FGF12: variants seen among roughly 807,000 people sequenced by gnomAD.
FGF12 encodes fibroblast growth factor 12B.
FGF12 carries 14 observed loss-of-function variants against 23.6 expected under a neutral mutation model. The ratio of observed to expected loss-of-function variants is 0.59; its 90% CI spans 0.39 to 0.93. The LOEUF (loss-of-function observed/expected upper bound fraction) is 0.93. Among genes scored for constraint, FGF12 ranks in the 40% least tolerant of loss-of-function variants. The pLI is 0.00. For missense variants in FGF12, 175 were observed against 217.8 expected (o/e 0.80, Z 1.24); for synonymous variants, 62 against 77.3 (o/e 0.80, Z 1.04).
intron 2 of FGF12, among the ~76,000 whole-genome samples, chr3:192,443,796 A>C (rs1310964580): frequency 1.3e-5 from 2 of 152,192 alleles, no homozygotes; most frequent in Non-Finnish European, 2.9e-5. Flanking sequence ...CCAGGATGGA[A>C]ATTCCCCATC....
At chr3:192,185,666 C>T (rs1284037056) in intron 4 of FGF12, among the ~76,000 whole-genome samples, 2 of 151,860 alleles carry the variant, frequency 1.3e-5, no homozygotes, top group African/African-American at 4.8e-5. Flanking sequence ...TCAAGACCAG[C>T]CTGGACAACA....
At chr3:192,611,355 A>T (rs1461767581) in intron 2 of FGF12, among the ~76,000 whole-genome samples, 1 of 152,052 alleles carries the variant, frequency 6.6e-6, no homozygotes, top group Non-Finnish European at 1.5e-5. Flanking sequence ...GGAGGCTGTT[A>T]TCAGGGATTG....
At chr3:192,613,875 T>C (rs1333057179) in intron 2 of FGF12, among the ~76,000 whole-genome samples, 3 of 151,948 alleles carry the variant, frequency 2.0e-5, no homozygotes, top group Non-Finnish European at 4.4e-5. Flanking sequence ...ACATCACTTA[T>C]AAATTTACAA....
At chr3:192,421,793 C>T (rs933302290) in intron 2 of FGF12, among the ~76,000 whole-genome samples, 6 of 151,102 alleles carry the variant, frequency 4.0e-5, no homozygotes, top group Admixed American at 2.6e-4. Context: ...ACATTCTGCA[C>T]ATGTACCCCA....
chr3:192,540,023 G>T, intron 2 of FGF12, among the ~76,000 whole-genome samples: 2 of 150,020 alleles, frequency 1.3e-5, no homozygotes, highest in African/African-American at 4.9e-5. Context: ...ATTTTTTTGG[G>T]GTCCTTCTCT....
chr3:192,560,202 C>T (rs1711961586), intron 2 of FGF12, among the ~76,000 whole-genome samples: 2 of 151,842 alleles, frequency 1.3e-5, no homozygotes, highest in Non-Finnish European at 2.9e-5. Flanking sequence ...AAACAAATCA[C>T]TCTATATTTG....
At chr3:192,389,135 G>A (rs543414950) in intron 2 of FGF12, among the ~76,000 whole-genome samples, 14 of 152,274 alleles carry the variant, frequency 9.2e-5, no homozygotes, top group Non-Finnish European at 1.3e-4. Flanking sequence ...CGAGGCAGGC[G>A]GATCACCAGA....
At chr3:192,191,396 A>G (rs2108648097) in intron 4 of FGF12, among the ~76,000 whole-genome samples, 1 of 152,358 alleles carries the variant, frequency 6.6e-6, no homozygotes, top group Non-Finnish European at 1.5e-5. Context: ...ATGATATGTC[A>G]GTGCAGGGTC....
chr3:192,453,856 G>A (rs184512926), intron 2 of FGF12, among the ~76,000 whole-genome samples: 143 of 152,046 alleles, frequency 9.4e-4, no homozygotes, highest in African/African-American at 3.1e-3. Flanking sequence ...ACTAATCTGG[G>A]TTTAAACTTT....
chr3:192,306,038 T>G (rs1253379094), intron 4 of FGF12, among the ~76,000 whole-genome samples: 2 of 151,798 alleles, frequency 1.3e-5, no homozygotes, highest in Non-Finnish European at 1.5e-5. Context: ...TTTTTTGTAT[T>G]TTCAATAGAG....
At chr3:192,232,322 G>A (rs1181683149) in intron 4 of FGF12, among the ~76,000 whole-genome samples, 4 of 151,896 alleles carry the variant, frequency 2.6e-5, no homozygotes, top group Non-Finnish European at 4.4e-5. Context: ...TGCTCTCTAG[G>A]AGCCACGTCA....
At chr3:192,463,815 CT>C (rs1722930643) in intron 2 of FGF12, among the ~76,000 whole-genome samples, 1 of 152,034 alleles carries the variant, frequency 6.6e-6, no homozygotes, top group Non-Finnish European at 1.5e-5. Flanking sequence ...CTGTTTTGTT[CT>C]TTTTTTAGGT....
chr3:192,279,230 GTATA>G (rs59504943), intron 4 of FGF12, among the ~76,000 whole-genome samples: 48,244 of 131,824 alleles, frequency 0.37, 9,716 homozygotes, highest in East Asian at 0.87. Context: ...TAATGTATGA[GTATA>G]TATATATATA....
chr3:192,597,538 A>AC (rs143969959), intron 2 of FGF12, among the ~76,000 whole-genome samples: 23,566 of 152,200 alleles, frequency 0.15, 1,852 homozygotes, highest in Middle Eastern at 0.19. Context: ...AGAAAATGGA[A>AC]TAATTGCATT....
chr3:192,641,090 C>G (rs1265882673), intron 2 of FGF12, among the ~76,000 whole-genome samples: 5 of 150,428 alleles, frequency 3.3e-5, no homozygotes, highest in Admixed American at 2.7e-4. Flanking sequence ...GCCATAGTGC[C>G]TGGCCTTTCA....
chr3:192,491,147 C>T lies in FGF12; in HGVS notation c.14-130609G>A, dbSNP rs151030922. 5.7e-3 allele frequency among the ~76,000 whole-genome samples: 869 copies of T among 152,156 alleles called. 9 individuals are homozygous for T. The highest frequency in any genetic ancestry group is 0.019 in the African/African-American group (797 of 41,514). On this transcript the variant is annotated intron_variant, in intron 2 of 5. Coordinates refer to ENST00000445105, the MANE Select transcript of FGF12 (RefSeq NM_004113.6). ...GGTTCCTTCTTCACTTCTATTTAAC[C>T]TTTTTCTCTCTTATTCCTCCATAGA...
chr3:192,185,070 C>A (rs1288774213), intron 4 of FGF12, among the ~76,000 whole-genome samples: 2 of 152,230 alleles, frequency 1.3e-5, no homozygotes, highest in Non-Finnish European at 2.9e-5. Context: ...ATCCAAATCT[C>A]TCCTGGTCTT....
intron 2 of FGF12, among the ~76,000 whole-genome samples, chr3:192,723,059 A>G (rs1053983146): frequency 3.9e-5 from 6 of 152,278 alleles, no homozygotes; most frequent in African/African-American, 1.2e-4. Flanking sequence ...GGATAAAACT[A>G]TATTCACTCT....
At chr3:192,721,835 G>C (rs1359474146) in intron 2 of FGF12, among the ~76,000 whole-genome samples, 1 of 152,096 alleles carries the variant, frequency 6.6e-6, no homozygotes, top group Admixed American at 6.6e-5. Flanking sequence ...ATAAACCAAA[G>C]GGGAAACAAA....
Sources: allele counts gnomAD v4.1 joint callset (sites outside exome capture counted in the v4.1 genomes callset), GRCh38; gene constraint gnomAD v4.1.1; transcripts MANE v1.5; gene names NCBI Gene and HGNC (gene_info 2026-07-23, HGNC 2026-07-21).